Variants in OSBPL10 observed in about 807,000 individuals in gnomAD.
OSBPL10 encodes the protein oxysterol binding protein like 10.
A neutral mutation model predicts 81.7 loss-of-function variants in OSBPL10; 49 were observed. The observed-to-expected ratio is 0.60, with a 90% CI of 0.48 to 0.76. The LOEUF (loss-of-function observed/expected upper bound fraction) is 0.76. OSBPL10 is among the 30% of genes least tolerant of loss of function. OSBPL10 has a pLI of 0.00. For synonymous variants in OSBPL10, 419 were observed against 383.6 expected (o/e 1.09, Z -1.08); for missense variants, 923 against 987.8 (o/e 0.93, Z 0.88).
intron 10 of OSBPL10, among the ~76,000 whole-genome samples, chr3:31,667,771 A>G (rs902585010): frequency 6.6e-6 from 1 of 152,246 alleles, no homozygotes; most frequent in Non-Finnish European, 1.5e-5. Context: ...ATGAATGATC[A>G]TGGCTGTGTT....
chr3:32,020,464 T>C (rs1285179449), intron 2 of OSBPL10, among the ~76,000 whole-genome samples: 1 of 152,230 alleles, frequency 6.6e-6, no homozygotes, highest in Non-Finnish European at 1.5e-5. Context: ...GTAGCATGTA[T>C]CAGTACTATA....
At chr3:32,076,613 T>C (rs1037093932) in intron 1 of OSBPL10, among the ~76,000 whole-genome samples, 16 of 152,178 alleles carry the variant, frequency 1.1e-4, no homozygotes, top group African/African-American at 3.1e-4. Context: ...ACAGCCGTTT[T>C]ATCAAGACAG....
At chr3:31,919,353 T>G (rs4634165) in intron 1 of OSBPL10, 55,399 of 152,150 alleles carry the variant, frequency 0.36, 11,943 homozygotes, top group Non-Finnish European at 0.5. Flanking sequence ...CAGAAACTAA[T>G]TTGGTTGCTT....
intron 3 of OSBPL10, 40 bp from the exon 4 acceptor site, chr3:31,830,271 T>G: frequency 6.4e-7 from 1 of 1,568,900 alleles, no homozygotes; most frequent in South Asian, 1.2e-5. Flanking sequence ...ACAACTGACC[T>G]GCAGAACACA....
chr3:31,772,286 T>A (rs1213828201), intron 4 of OSBPL10, among the ~76,000 whole-genome samples: 2 of 152,218 alleles, frequency 1.3e-5, no homozygotes, highest in Non-Finnish European at 2.9e-5. Context: ...AACCAGCCGT[T>A]CCACATAACC....
chr3:31,794,119 G>A (rs924645371), intron 4 of OSBPL10, among the ~76,000 whole-genome samples: 1 of 152,170 alleles, frequency 6.6e-6, no homozygotes, highest in Non-Finnish European at 1.5e-5. Flanking sequence ...GGCACCTGCA[G>A]CTCCCGACCC....
At chr3:31,735,852 A>C (rs1347243482) in intron 5 of OSBPL10, among the ~76,000 whole-genome samples, 1 of 152,044 alleles carries the variant, frequency 6.6e-6, no homozygotes, top group African/African-American at 2.4e-5. Flanking sequence ...TCACTAGCAC[A>C]CTCATTTACT....
In OSBPL10 at chr3:31,802,510, G is replaced by C. The variant is rs142497670; in HGVS notation, c.729+27530C>G. 1.7e-3 allele frequency among the ~76,000 whole-genome samples: 238 copies of C among 138,134 alleles called. 2 individuals are homozygous for C. The highest frequency in any genetic ancestry group is 5.7e-3 in the African/African-American group (209 of 36,898). 90.6% of individuals were successfully genotyped at this position (138,134 alleles called of 152,430 possible). A position where few individuals can be genotyped will look rare whatever the true frequency, so the allele number is the denominator to read the frequency against. ...GAACCCAGGAGGTGGAGGTTGCAGTGAGCCAAGATCATGCGCCACTGCACT... is the reference window on the plus strand; with the variant it reads ...GAACCCAGGAGGTGGAGGTTGCAGTCAGCCAAGATCATGCGCCACTGCACT... On this transcript the variant is annotated intron_variant, in intron 4 of 11. Coordinates refer to ENST00000396556, the MANE Select transcript of OSBPL10 (RefSeq NM_017784.5).
At chr3:32,071,867 C>T (rs1472037285) in intron 1 of OSBPL10, among the ~76,000 whole-genome samples, 2 of 152,172 alleles carry the variant, frequency 1.3e-5, no homozygotes, top group African/African-American at 4.8e-5. Flanking sequence ...CTCTGATACA[C>T]CTGGCATTCA....
chr3:32,057,570 G>C (rs1042539424), intron 1 of OSBPL10, among the ~76,000 whole-genome samples: 28 of 152,192 alleles, frequency 1.8e-4, no homozygotes, highest in Non-Finnish European at 8.8e-5. Context: ...AGGAAGAAGT[G>C]CCAAGCGAAG....
At chr3:31,865,394 T>C (rs1701153387) in intron 3 of OSBPL10, among the ~76,000 whole-genome samples, 1 of 152,250 alleles carries the variant, frequency 6.6e-6, no homozygotes, top group African/African-American at 2.4e-5. Context: ...GAGGTCTCCA[T>C]ATTGCACAGC....
chr3:31,928,777 A>AG (rs1697154353), intron 1 of OSBPL10, among the ~76,000 whole-genome samples: 1 of 151,946 alleles, frequency 6.6e-6, no homozygotes, highest in Non-Finnish European at 1.5e-5. Flanking sequence ...AAAAAAAAAA[A>AG]AAAAGAATGC....
intron 2 of OSBPL10, among the ~76,000 whole-genome samples, chr3:32,035,815 A>G (rs1231101594): frequency 2.6e-5 from 4 of 152,182 alleles, no homozygotes; most frequent in African/African-American, 9.6e-5. Context: ...AAAATGTATC[A>G]TTGTAACCAT....
intron 4 of OSBPL10, among the ~76,000 whole-genome samples, chr3:31,814,756 T>C (rs1479532559): frequency 6.6e-6 from 1 of 152,188 alleles, no homozygotes. Context: ...TAGTACTTGG[T>C]TGTACAGCGT....
At chr3:31,944,887 T>C (rs1697652208) in intron 1 of OSBPL10, among the ~76,000 whole-genome samples, 1 of 137,966 alleles carries the variant, frequency 7.2e-6, no homozygotes. Context: ...GCACAGTGGC[T>C]TATGCCTGTA....
intron 3 of OSBPL10, among the ~76,000 whole-genome samples, chr3:31,830,831 TCCA>T (rs1700222633): frequency 6.6e-6 from 1 of 152,238 alleles, no homozygotes; most frequent in African/African-American, 2.4e-5. Context: ...AACTAAGCTG[TCCA>T]CCAAGTATTC....
intron 7 of OSBPL10, among the ~76,000 whole-genome samples, chr3:31,694,498 A>G (rs921748376): frequency 6.6e-6 from 1 of 151,848 alleles, no homozygotes. Context: ...AAAAAGTTTC[A>G]GTGAACATTG....
intron 1 of OSBPL10, among the ~76,000 whole-genome samples, chr3:31,916,891 CTGTTTAATAAA>C (rs1347069503): frequency 3.3e-5 from 5 of 152,222 alleles, no homozygotes; most frequent in African/African-American, 1.2e-4. Context: ...CCATCTTTAA[CTGTTTAATAAA>C]TGTTTTTATT....
In OSBPL10 at chr3:31,762,148, C is replaced by T. The variant is rs1475280654; in HGVS notation, c.730-14028G>A. Among the ~76,000 whole-genome samples, 3 of 152,282 alleles carry T rather than the reference C, an allele frequency of 2.0e-5. No homozygotes were observed. In the East Asian group the frequency reaches 5.8e-4, roughly 29 times the overall value. Reference sequence around the variant, plus strand: ...CTAGTTATGATGTCCCCAGAACCCACTAGAAGCCTCTTCCCACCTTCAACA... The same window carrying T: ...CTAGTTATGATGTCCCCAGAACCCATTAGAAGCCTCTTCCCACCTTCAACA... On this transcript the variant is annotated intron_variant, in intron 4 of 11. Transcript: ENST00000396556.
Sources: allele counts gnomAD v4.1 joint callset (sites outside exome capture counted in the v4.1 genomes callset), GRCh38; gene constraint gnomAD v4.1.1; transcripts MANE v1.5; gene names NCBI Gene and HGNC (gene_info 2026-07-23, HGNC 2026-07-21).